The following EGFLAM variants were observed in gnomAD, a reference collection of about 807,000 sequenced individuals.
EGFLAM encodes the protein pikachurin.
In EGFLAM, 79 loss-of-function variants were observed where a neutral mutation model predicts 113.1. The observed-to-expected ratio is 0.70, with a 90% confidence interval of 0.58 to 0.84. EGFLAM has a LOEUF of 0.84. Ranked by LOEUF, EGFLAM falls within the 40% of genes least tolerant of loss-of-function variation. The pLI is 0.00. For missense variants in EGFLAM, 1,265 were observed against 1,291.6 expected (o/e 0.98, Z 0.32); for synonymous variants, 504 against 487.6 (o/e 1.03, Z -0.44).
rs556946471 is a variant in EGFLAM, at chr5:38,263,783, G to A, written c.97+4932G>A. Among the ~76,000 whole-genome samples, 6 of 152,210 alleles carry A rather than the reference G, an allele frequency of 3.9e-5. No homozygotes were observed. The East Asian group carries it at 1.2e-3, about 29-fold the overall frequency. ...TACATTTAGGTCTATAATTCATTTT[G>A]AGTTAATTTTGTATGAGGTGTGAGA... is the stretch of plus-strand genomic sequence containing the variant. On this transcript the variant is annotated intron_variant, in intron 1 of 21. Coordinates refer to ENST00000322350, the MANE Select transcript of EGFLAM (RefSeq NM_152403.4).
At chr5:38,373,900 T>C (rs1260725569) in intron 6 of EGFLAM, among the ~76,000 whole-genome samples, 1 of 152,202 alleles carries the variant, frequency 6.6e-6, no homozygotes, top group African/African-American at 2.4e-5. Flanking sequence ...CCTACCCTTT[T>C]CTCCACAGTC....
chr5:38,388,556 C>T (rs144806270), intron 6 of EGFLAM, among the ~76,000 whole-genome samples: 5,548 of 151,792 alleles, frequency 0.037, 129 homozygotes, highest in Middle Eastern at 0.051. Context: ...CCAGCCTGGC[C>T]AACATGGTGA....
chr5:38,458,210 G>A, intron 19 of EGFLAM, 101 bp from the exon 20 acceptor site: 1 of 1,063,602 alleles, frequency 9.4e-7, no homozygotes, highest in Non-Finnish European at 1.3e-6. Context: ...TGCACTCTGA[G>A]TTGCAAAGAA....
chr5:38,303,940 A>G (rs1213144186), intron 1 of EGFLAM, among the ~76,000 whole-genome samples: 1 of 151,980 alleles, frequency 6.6e-6, no homozygotes, highest in Admixed American at 6.6e-5. Context: ...GTTCAAGACC[A>G]GCCTGGCCAA....
intron 1 of EGFLAM, among the ~76,000 whole-genome samples, chr5:38,265,680 A>C (rs552125103): frequency 6.6e-6 from 1 of 152,202 alleles, no homozygotes; most frequent in Non-Finnish European, 1.5e-5. Context: ...GCTTCCTTGC[A>C]GAACCCCTCA....
chr5:38,311,558 G>T lies in EGFLAM; in HGVS notation c.98-25962G>T, dbSNP rs558340638. Among the ~76,000 whole-genome samples, 3 of 152,258 alleles carry T rather than the reference G, an allele frequency of 2.0e-5. No individual in the cohort carries two copies. In the South Asian group the frequency reaches 6.2e-4, roughly 32 times the overall value. On this transcript the variant is annotated intron_variant, in intron 1 of 21. Transcript: ENST00000322350. ...TTAAAAGGCTAAATAGTATCCCATT[G>T]TGTGTGTACATTTTCTTTGTTCGTC...
chr5:38,412,844 G>A (rs1339587127), intron 11 of EGFLAM, among the ~76,000 whole-genome samples, 196 bp downstream of exon 11: 4 of 152,132 alleles, frequency 2.6e-5, no homozygotes, highest in Non-Finnish European at 5.9e-5. Flanking sequence ...CTCCAGGTGA[G>A]CTTTCAGGGC....
intron 17 of EGFLAM, among the ~76,000 whole-genome samples, chr5:38,445,174 A>G (rs529723020): frequency 1.3e-5 from 2 of 152,020 alleles, no homozygotes; most frequent in Non-Finnish European, 2.9e-5. Flanking sequence ...GAATCTTGCA[A>G]TGGGGGGTGG....
At chr5:38,279,881 T>C (rs762618460) in intron 1 of EGFLAM, among the ~76,000 whole-genome samples, 2 of 152,088 alleles carry the variant, frequency 1.3e-5, no homozygotes, top group Non-Finnish European at 2.9e-5. Context: ...GGGCCTAACA[T>C]AGTGATAACT....
At chr5:38,373,330 T>G (rs980716701) in intron 6 of EGFLAM, among the ~76,000 whole-genome samples, 4 of 152,202 alleles carry the variant, frequency 2.6e-5, no homozygotes, top group Admixed American at 2.0e-4. Context: ...GAGTGAGATG[T>G]ATGTGGCTTC....
At chr5:38,313,013 C>T (rs2367216) in intron 1 of EGFLAM, among the ~76,000 whole-genome samples, 1 of 151,888 alleles carries the variant, frequency 6.6e-6, no homozygotes, top group African/African-American at 2.4e-5. Flanking sequence ...GCTTGAACCC[C>T]GGAGGTGGAG....
intron 6 of EGFLAM, among the ~76,000 whole-genome samples, chr5:38,374,203 C>T (rs1240929704): frequency 6.6e-6 from 1 of 152,100 alleles, no homozygotes; most frequent in Non-Finnish European, 1.5e-5. Flanking sequence ...CTGTAACCAC[C>T]CAACAGTTCA....
chr5:38,379,275 G>T (rs936102809), intron 6 of EGFLAM, among the ~76,000 whole-genome samples: 1 of 151,998 alleles, frequency 6.6e-6, no homozygotes, highest in Non-Finnish European at 1.5e-5. Context: ...GAGGAGAAAA[G>T]GTACACACAT....
chr5:38,285,536 A>G (rs142753194), intron 1 of EGFLAM, among the ~76,000 whole-genome samples: 1 of 152,136 alleles, frequency 6.6e-6, no homozygotes, highest in Non-Finnish European at 1.5e-5. Context: ...AGCCCAAGCT[A>G]CCTTCAGGGT....
At position 38,409,633 on chromosome 5, in the gene EGFLAM, T is replaced by C. The variant is rs146884382; in HGVS notation, c.1349+529T>C. ...GTGAGCCAAAGGAATACAGTTTCTT[T>C]TCTCTGGAGCTCTAGTGGATGTGAT... is the stretch of plus-strand genomic sequence containing the variant. On this transcript the variant is annotated intron_variant, in intron 10 of 21. Transcript: ENST00000322350. Among the ~76,000 whole-genome samples the C allele has an allele frequency of 2.4e-3, 362 of 152,282 alleles. 2 individuals are homozygous for C. The highest frequency in any genetic ancestry group is 8.1e-3 in the African/African-American group (335 of 41,546).
intron 1 of EGFLAM, among the ~76,000 whole-genome samples, chr5:38,288,127 A>AT (rs1431422925): frequency 2.6e-5 from 4 of 152,198 alleles, no homozygotes; most frequent in African/African-American, 9.6e-5. Context: ...TTTCAGTGTA[A>AT]TTTCTTAATA....
At chr5:38,265,626 C>T (rs980526108) in intron 1 of EGFLAM, among the ~76,000 whole-genome samples, 1 of 152,204 alleles carries the variant, frequency 6.6e-6, no homozygotes, top group Non-Finnish European at 1.5e-5. Flanking sequence ...AGGAAGGACC[C>T]CAGGGTGTAG....
rs116032427 is a variant in EGFLAM, at chr5:38,298,039, T to G, written c.97+39188T>G. ...AAAGAACATCCTGGGAAGAGCGGCT[T>G]GGAGAAAACTGAAGACTTCAAGGGC... On this transcript the variant is annotated intron_variant, in intron 1 of 21. Transcript: ENST00000322350. Among the ~76,000 whole-genome samples the G allele has an allele frequency of 2.2e-3, 337 of 152,258 alleles. 1 individual carries two copies. Among genetic ancestry groups the G allele is most frequent in the African/African-American group, 7.8e-3 (324 of 41,552 alleles).
intron 19 of EGFLAM, among the ~76,000 whole-genome samples, chr5:38,457,665 T>C (rs532118904): frequency 2.6e-5 from 4 of 152,270 alleles, no homozygotes; most frequent in South Asian, 4.2e-4. Context: ...AGGCTCTGGG[T>C]AGACATGAAT....
Sources: gnomAD v4.1 joint callset for allele counts (sites outside exome capture counted in the v4.1 genomes callset) on GRCh38, gnomAD v4.1.1 for gene constraint, MANE v1.5 for transcripts, NCBI Gene and HGNC (gene_info 2026-07-23, HGNC 2026-07-21) for gene names.